The following GRM3 variants were observed in gnomAD, a reference collection of about 807,000 sequenced individuals.
GRM3 encodes the protein metabotropic glutamate receptor 3.
A neutral mutation model predicts 70.5 loss-of-function variants in GRM3; 26 were observed. That is an observed-to-expected ratio of 0.37 (90% CI 0.27 to 0.51). GRM3 has a LOEUF of 0.51. Among genes scored for constraint, GRM3 ranks in the 20% least tolerant of loss-of-function variants. GRM3 has a pLI of 0.93. For synonymous variants in GRM3, 443 were observed against 434.9 expected (o/e 1.02, Z -0.23); for missense variants, 859 against 1,123.8 (o/e 0.76, Z 3.37).
chr7:86,734,543 ATATT>A (rs959986635), intron 1 of GRM3, among the ~76,000 whole-genome samples: 1 of 152,246 alleles, frequency 6.6e-6, no homozygotes, highest in African/African-American at 2.4e-5. Context: ...CATAATTCAA[ATATT>A]TATTTGTAAA....
intron 5 of GRM3, 147 bp from the exon 6 acceptor site, chr7:86,864,135 A>T: frequency 1.6e-6 from 1 of 619,822 alleles, no homozygotes; most frequent in Non-Finnish European, 3.0e-6. Flanking sequence ...TGGGTAGTAT[A>T]CACTGAACTC....
chr7:86,711,895 C>A (rs954224598), intron 1 of GRM3, among the ~76,000 whole-genome samples: 6 of 152,012 alleles, frequency 3.9e-5, no homozygotes, highest in Non-Finnish European at 7.4e-5. Flanking sequence ...ATACTTTAAA[C>A]CTGACCTAAT....
At position 86,850,741 on chromosome 7, in the gene GRM3, G is replaced by C. The variant is rs1798741113; in HGVS notation, c.2566+197G>C. ...AAGGAGCAAAGAAGTCAAAGTTTCT[G>C]TTTGGGCAGCACATACAGTCTAGCA... is the stretch of plus-strand genomic sequence containing the variant. On this transcript the variant is annotated intron_variant, in intron 5 of 5. Transcript: ENST00000361669. 1.3e-5 allele frequency among the ~76,000 whole-genome samples: 2 copies of C among 152,138 alleles called. 1 individual carries two copies. Among genetic ancestry groups the C allele is most frequent in the South Asian group, 4.1e-4 (2 of 4,834 alleles).
At chr7:86,801,702 G>A (rs1040408303) in intron 3 of GRM3, among the ~76,000 whole-genome samples, 2 of 152,092 alleles carry the variant, frequency 1.3e-5, no homozygotes, top group Admixed American at 6.6e-5. Context: ...TTCATCACTG[G>A]CCTCTTAAGA....
intron 1 of GRM3, among the ~76,000 whole-genome samples, chr7:86,764,371 G>A (rs138062442): frequency 6.6e-6 from 1 of 152,226 alleles, no homozygotes; most frequent in African/African-American, 2.4e-5. Context: ...GAGAACTACA[G>A]TGAGTTTATA....
chr7:86,778,767 C>T (rs10249573), intron 2 of GRM3, among the ~76,000 whole-genome samples: 150,529 of 152,310 alleles, frequency 0.99, 74,387 homozygotes, highest in East Asian at 1. Context: ...AAGCCGTATA[C>T]TAAAAATATA....
intron 1 of GRM3, among the ~76,000 whole-genome samples, chr7:86,674,451 G>A (rs769648583): frequency 6.6e-6 from 1 of 152,074 alleles, no homozygotes; most frequent in South Asian, 2.1e-4. Context: ...TGTTAGAAGC[G>A]AGTCATTAGG....
chr7:86,791,813 G>A (rs544976051), intron 3 of GRM3, among the ~76,000 whole-genome samples: 1 of 152,172 alleles, frequency 6.6e-6, no homozygotes, highest in East Asian at 1.9e-4. Flanking sequence ...TGACACAAAG[G>A]TGGTTCATCA....
chr7:86,863,816 A>G (rs532192902), intron 5 of GRM3, among the ~76,000 whole-genome samples: 30 of 152,258 alleles, frequency 2.0e-4, no homozygotes, highest in Middle Eastern at 3.4e-3. Flanking sequence ...ACCAAAGCTA[A>G]TTTTCAACCC....
chr7:86,671,341 G>T (rs1180314768), intron 1 of GRM3, among the ~76,000 whole-genome samples: 1 of 152,144 alleles, frequency 6.6e-6, no homozygotes, highest in Non-Finnish European at 1.5e-5. Flanking sequence ...TTAGATGTTT[G>T]TCCTGTCAGA....
At chr7:86,833,785 T>C (rs1048448879) in intron 3 of GRM3, among the ~76,000 whole-genome samples, 1 of 152,236 alleles carries the variant, frequency 6.6e-6, no homozygotes, top group Non-Finnish European at 1.5e-5. Flanking sequence ...AGGATCTTTA[T>C]TACAAGCTAA....
chr7:86,692,646 T>A (rs1174773615), intron 1 of GRM3, among the ~76,000 whole-genome samples: 1 of 152,234 alleles, frequency 6.6e-6, no homozygotes, highest in African/African-American at 2.4e-5. Flanking sequence ...TTTATTGACC[T>A]CTTTTATTAG....
chr7:86,838,352 G>A (rs1358773873), intron 3 of GRM3, among the ~76,000 whole-genome samples: 3 of 152,046 alleles, frequency 2.0e-5, no homozygotes, highest in Non-Finnish European at 4.4e-5. Context: ...TCATGCATCT[G>A]TAATGCAAAA....
intron 2 of GRM3, chr7:86,775,840 A>C (rs1473172758): frequency 6.6e-6 from 1 of 152,000 alleles, no homozygotes; most frequent in Non-Finnish European, 1.5e-5. Flanking sequence ...ATTCCTCAAC[A>C]TCAAGCCTAT....
chr7:86,796,333 T>C (rs1404471327), intron 3 of GRM3, among the ~76,000 whole-genome samples: 1 of 152,200 alleles, frequency 6.6e-6, no homozygotes, highest in Non-Finnish European at 1.5e-5. Context: ...CTTTCCCCAT[T>C]GCATGTTTTT....
chr7:86,668,383 G>A (rs1296829788), intron 1 of GRM3, among the ~76,000 whole-genome samples: 1 of 151,980 alleles, frequency 6.6e-6, no homozygotes. Context: ...AGCTACTAGG[G>A]AAATAATTCT....
rs569752036 is a variant in GRM3, at chr7:86,688,587, G to C, written c.-141+43715G>C. 5.9e-5 allele frequency among the ~76,000 whole-genome samples: 9 copies of C among 151,326 alleles called. No homozygotes were observed. In the South Asian group the frequency reaches 1.7e-3, roughly 28 times the overall value. On this transcript the variant is annotated intron_variant, in intron 1 of 5. Transcript: ENST00000361669. Reference sequence around the variant, plus strand: ...TAACTAATAGAAAAAGCATACGAAAGAAAAGGATACAGAAGTTTAGAATGA... The same window carrying C: ...TAACTAATAGAAAAAGCATACGAAACAAAAGGATACAGAAGTTTAGAATGA...
In GRM3 at chr7:86,675,702, C is replaced by A. The variant is rs575240660; in HGVS notation, c.-141+30830C>A. 3.9e-5 allele frequency among the ~76,000 whole-genome samples: 6 copies of A among 152,072 alleles called. No individual in the cohort carries two copies. The South Asian group carries it at 1.2e-3, about 32-fold the overall frequency. ...TTATCTCTAGTCAAGTTTGTCTTCC[C>A]CATTTTCTAGGCAAAGACTTAAATC... is the stretch of plus-strand genomic sequence containing the variant. On this transcript the variant is annotated intron_variant, in intron 1 of 5. Transcript: ENST00000361669.
At chr7:86,736,650 T>C (rs1795867698) in intron 1 of GRM3, among the ~76,000 whole-genome samples, 1 of 152,084 alleles carries the variant, frequency 6.6e-6, no homozygotes. Flanking sequence ...CTTATGCTTG[T>C]CAGCAGTTCA....
Sources: gnomAD v4.1 joint callset for allele counts (sites outside exome capture counted in the v4.1 genomes callset) on GRCh38, gnomAD v4.1.1 for gene constraint, MANE v1.5 for transcripts, NCBI Gene and HGNC (gene_info 2026-07-23, HGNC 2026-07-21) for gene names.